The following FSCN2 variants were observed in gnomAD, a reference collection of about 807,000 sequenced individuals.
FSCN2 encodes the protein fascin-2.
FSCN2 carries 46 observed loss-of-function variants against 37.8 expected under a neutral mutation model. The observed-to-expected ratio is 1.22, with a 90% CI of 0.96 to 1.56. The LOEUF is 1.56. Ranked by LOEUF, FSCN2 falls within the 40% of genes most tolerant of loss-of-function variation. The probability of loss-of-function intolerance (pLI) is 0.00; values close to 1 mark genes in which losing one functional copy is unlikely to be tolerated. For missense variants in FSCN2, 844 were observed against 730.4 expected (o/e 1.16, Z -1.79); for synonymous variants, 351 against 309.4 (o/e 1.13, Z -1.41).
chr17:81,522,913 G>C, the FSCN2 span, among the ~76,000 whole-genome samples: 3 of 152,320 alleles, frequency 2.0e-5, no homozygotes, highest in South Asian at 4.1e-4. Flanking sequence ...GGGGCTCAGG[G>C]GTTGGAGGCT....
chr17:81,531,489 A>ATGGTGATGGTGATGG (rs1266070581), intron 1 of FSCN2, among the ~76,000 whole-genome samples: 10,059 of 83,048 alleles, frequency 0.12, 542 homozygotes, highest in Admixed American at 0.16. Flanking sequence ...GATGGTGATG[A>ATGGTGATGGTGATGG]TGGTGATGGT....
At chr17:81,528,103 G>C (rs932649117), upstream of FSCN2, among the ~76,000 whole-genome samples, 3 of 152,196 alleles carry the variant, frequency 2.0e-5, no homozygotes, top group South Asian at 2.1e-4. Context: ...GTTGGAGGAG[G>C]GGGGCAGGAA....
upstream of FSCN2, among the ~76,000 whole-genome samples, chr17:81,524,525 G>C (rs1185567274): frequency 2.0e-5 from 3 of 152,232 alleles, no homozygotes; most frequent in Non-Finnish European, 4.4e-5. Flanking sequence ...TGTCGCCACA[G>C]TGCAGCCTGC....
upstream of FSCN2, among the ~76,000 whole-genome samples, chr17:81,528,099 G>A (rs921375659): frequency 6.6e-6 from 1 of 152,158 alleles, no homozygotes; most frequent in Non-Finnish European, 1.5e-5. Context: ...CGGGGTTGGA[G>A]GAGGGGGGCA....
chr17:81,526,736 C>T (rs1265011917), upstream of FSCN2, among the ~76,000 whole-genome samples: 1 of 152,244 alleles, frequency 6.6e-6, no homozygotes, highest in Non-Finnish European at 1.5e-5. Flanking sequence ...AGGCCTGTGT[C>T]CTCAGTCCCC....
intron 3 of FSCN2, 37 bp from the exon 4 acceptor site, chr17:81,536,585 G>A (rs540340401): frequency 6.2e-7 from 1 of 1,603,764 alleles, no homozygotes; most frequent in Admixed American, 1.7e-5. Context: ...AGGGAAGGTG[G>A]CGGGAGGGGC....
intron 1 of FSCN2, among the ~76,000 whole-genome samples, chr17:81,531,459 GTGATGA>G (rs1382753715): frequency 5.6e-5 from 6 of 106,394 alleles, no homozygotes; most frequent in East Asian, 3.0e-4. Flanking sequence ...GGTGGTGATG[GTGATGA>G]TGGTGGTGGT....
At chr17:81,519,904 C>T in the FSCN2 span, among the ~76,000 whole-genome samples, 13 of 152,212 alleles carry the variant, frequency 8.5e-5, no homozygotes, top group African/African-American at 3.1e-4. Context: ...GCTCCCCTAG[C>T]AGATGGCCCC....
At chr17:81,522,273 T>A in the FSCN2 span, among the ~76,000 whole-genome samples, 1 of 152,194 alleles carries the variant, frequency 6.6e-6, no homozygotes, top group Non-Finnish European at 1.5e-5. Flanking sequence ...CAAAAGTGCT[T>A]GAATTACAGC....
At chr17:81,520,204 G>C in the FSCN2 span, among the ~76,000 whole-genome samples, 1 of 152,132 alleles carries the variant, frequency 6.6e-6, no homozygotes, top group Non-Finnish European at 1.5e-5. Flanking sequence ...ACACCAGGGC[G>C]GTCACACTTC....
chr17:81,521,863 A>C, the FSCN2 span, among the ~76,000 whole-genome samples: 3 of 152,250 alleles, frequency 2.0e-5, no homozygotes, highest in Non-Finnish European at 4.4e-5. Context: ...AGGCAACATC[A>C]GTATCACACT....
chr17:81,519,589 C>A, the FSCN2 span, among the ~76,000 whole-genome samples: 1 of 152,214 alleles, frequency 6.6e-6, no homozygotes, highest in East Asian at 1.9e-4. Flanking sequence ...TGCCCAGGAG[C>A]GCCAGGAGGG....
intron 2 of FSCN2, 48 bp from the exon 3 acceptor site, chr17:81,536,098 A>C: frequency 3.2e-6 from 5 of 1,586,664 alleles, no homozygotes; most frequent in Non-Finnish European, 4.3e-6. Context: ...GAGACCCTGC[A>C]CCCCCATCTC....
At chr17:81,521,619 G>A in the FSCN2 span, among the ~76,000 whole-genome samples, 11 of 152,096 alleles carry the variant, frequency 7.2e-5, no homozygotes, top group African/African-American at 2.4e-4. Flanking sequence ...CAGTCCACCC[G>A]ACTTGGCCTC....
intron 1 of FSCN2, among the ~76,000 whole-genome samples, chr17:81,533,028 G>A (rs1303508519): frequency 6.6e-6 from 1 of 152,122 alleles, no homozygotes; most frequent in African/African-American, 2.4e-5. Context: ...TGTAGGGAGC[G>A]GGACATGGCA....
the FSCN2 span, among the ~76,000 whole-genome samples, chr17:81,518,484 G>T: frequency 6.6e-6 from 1 of 152,144 alleles, no homozygotes; most frequent in Non-Finnish European, 1.5e-5. Context: ...GGAGGAGGGA[G>T]CGCAGAGGAA....
At chr17:81,521,298 C>T in the FSCN2 span, among the ~76,000 whole-genome samples, 1 of 151,662 alleles carries the variant, frequency 6.6e-6, no homozygotes, top group South Asian at 2.1e-4. Flanking sequence ...AAACTCCCGA[C>T]CTCAGGTGAT....
intron 1 of FSCN2, among the ~76,000 whole-genome samples, chr17:81,531,486 A>ATGATGGTGATGG (rs754999869): frequency 2.5e-4 from 20 of 79,446 alleles, no homozygotes; most frequent in Admixed American, 4.9e-4. Context: ...GGTGATGGTG[A>ATGATGGTGATGG]TGATGGTGAT....
chr17:81,531,534 GTGGTGATGA>G (rs1301923456), intron 1 of FSCN2, among the ~76,000 whole-genome samples: 1 of 88,870 alleles, frequency 1.1e-5, no homozygotes, highest in Non-Finnish European at 2.5e-5. Context: ...GATGGCGATG[GTGGTGATGA>G]TGGTGATGGC....
Sources: gnomAD v4.1 joint callset for allele counts (sites outside exome capture counted in the v4.1 genomes callset) on GRCh38, gnomAD v4.1.1 for gene constraint, MANE v1.5 for transcripts, NCBI Gene and HGNC (gene_info 2026-07-23, HGNC 2026-07-21) for gene names.